Variants in SND1 observed in about 807,000 individuals in gnomAD.
SND1 encodes staphylococcal nuclease domain-containing protein 1.
In SND1, 38 loss-of-function variants were observed where a neutral mutation model predicts 121.7. The observed-to-expected ratio is 0.31, with a 90% CI of 0.24 to 0.41. SND1 has a LOEUF of 0.41. SND1 is among the 10% of genes least tolerant of loss of function. SND1 has a pLI of 1.00. For synonymous variants in SND1, 401 were observed against 447.4 expected, an observed-to-expected ratio of 0.90 and a Z score of 1.31; for missense variants, 868 against 1,184.6, an observed-to-expected ratio of 0.73 and a Z score of 3.92.
At chr7:127,663,354 G>A (rs1795352483) in intron 1 of SND1, among the ~76,000 whole-genome samples, 1 of 150,844 alleles carries the variant, frequency 6.6e-6, no homozygotes, top group South Asian at 2.1e-4. Context: ...TTGAATCCAC[G>A]GATGTGAGGG....
At chr7:127,917,248 T>C (rs879520596) in intron 14 of SND1, among the ~76,000 whole-genome samples, 6 of 152,232 alleles carry the variant, frequency 3.9e-5, no homozygotes, top group Non-Finnish European at 8.8e-5. Context: ...TATATTTTCC[T>C]TAAGAAGAAT....
At chr7:127,960,656 A>C (rs1210680626) in intron 15 of SND1, among the ~76,000 whole-genome samples, 8 of 152,228 alleles carry the variant, frequency 5.3e-5, no homozygotes, top group Non-Finnish European at 1.2e-4. Context: ...TAGCTGAGAA[A>C]ATAGACATTA....
chr7:127,871,127 CA>C (rs1439773885), intron 12 of SND1, among the ~76,000 whole-genome samples: 1 of 152,134 alleles, frequency 6.6e-6, no homozygotes, highest in Non-Finnish European at 1.5e-5. Flanking sequence ...GGAAGGTTTT[CA>C]GGGGGCAATA....
In SND1 at chr7:128,029,931, G is replaced by A. The variant is rs1792530852; in HGVS notation, c.1779+38875G>A. The A allele has an allele frequency of 2.5e-6, 4 of 1,613,232 alleles. No homozygotes were observed. Among genetic ancestry groups the A allele is most frequent in the Middle Eastern group, 1.6e-4 (1 of 6,062 alleles). ...CTTGAGGGAGCTCAGGCCATGGAAG[G>A]AGCCAGGCCTGATCTCAGGGAAGTG... On this transcript the variant is annotated intron_variant, in intron 16 of 23. Transcript: ENST00000354725. The surrounding 1 kb of genome is among the most constrained non-coding windows in gnomAD (Gnocchi z 4.2).
chr7:127,942,777 C>G (rs535973544), intron 15 of SND1, among the ~76,000 whole-genome samples: 1 of 152,176 alleles, frequency 6.6e-6, no homozygotes. Flanking sequence ...CACTTTCTCC[C>G]TAAAGGTTTT....
intron 11 of SND1, among the ~76,000 whole-genome samples, chr7:127,810,169 G>C (rs1798308736): frequency 6.6e-6 from 1 of 152,170 alleles, no homozygotes; most frequent in African/African-American, 2.4e-5. Context: ...ACATCATAAG[G>C]AGTATTTTTC....
At chr7:127,983,569 G>C (rs1439489019) in intron 15 of SND1, among the ~76,000 whole-genome samples, 1 of 151,940 alleles carries the variant, frequency 6.6e-6, no homozygotes, top group Non-Finnish European at 1.5e-5. Flanking sequence ...ATGTGGCTAG[G>C]GAGATAAACC....
Position 128,023,422 on chromosome 7 carries a change from T to G in SND1, c.1779+32366T>G, listed in dbSNP as rs371482169. On this transcript the variant is annotated intron_variant, in intron 16 of 23. Coordinates refer to ENST00000354725, the MANE Select transcript of SND1 (RefSeq NM_014390.4). ...GTAGGGGAGAAGACATTAGGAAGTT[T>G]ACCTTCTTGGTAAAGGACCTAGGCT... Among the ~76,000 whole-genome samples, 11 of 152,306 alleles carry G rather than the reference T, an allele frequency of 7.2e-5. No homozygotes were observed. In the South Asian group the frequency reaches 2.3e-3, roughly 32 times the overall value.
chr7:127,674,026 T>TCCTCCCTCCCTCCCTGCCTG (rs1795572789), intron 1 of SND1, among the ~76,000 whole-genome samples: 1 of 150,732 alleles, frequency 6.6e-6, no homozygotes, highest in Non-Finnish European at 1.5e-5. Context: ...TCCTTCCTTC[T>TCCTCCCTCCCTCCCTGCCTG]CCTCCCTCCC....
chr7:127,767,202 C>G (rs182602533), intron 10 of SND1, among the ~76,000 whole-genome samples: 38 of 152,292 alleles, frequency 2.5e-4, no homozygotes, highest in African/African-American at 8.7e-4. Flanking sequence ...TGGTGCCGTT[C>G]TCCTCTTCTC....
intron 1 of SND1, among the ~76,000 whole-genome samples, chr7:127,675,412 C>G (rs550052493): frequency 3.8e-4 from 58 of 152,198 alleles, no homozygotes; most frequent in Admixed American, 3.1e-3. Context: ...GATGCATGCT[C>G]CAGAAATTCT....
chr7:127,734,911 G>A (rs1360526554), intron 10 of SND1, among the ~76,000 whole-genome samples: 1 of 152,188 alleles, frequency 6.6e-6, no homozygotes, highest in Non-Finnish European at 1.5e-5. Flanking sequence ...AATTTATGAT[G>A]CAATTTCCAG....
intron 16 of SND1, among the ~76,000 whole-genome samples, chr7:128,063,727 G>A (rs1042552613): frequency 6.6e-6 from 1 of 152,232 alleles, no homozygotes; most frequent in African/African-American, 2.4e-5. Flanking sequence ...AAGTAATGGA[G>A]TGGTTCAAAT....
chr7:127,672,114 G>T (rs1795527144), intron 1 of SND1, among the ~76,000 whole-genome samples: 1 of 152,092 alleles, frequency 6.6e-6, no homozygotes, highest in African/African-American at 2.4e-5. Context: ...ATTATAGTGA[G>T]TAGGCAAATT....
intron 13 of SND1, among the ~76,000 whole-genome samples, chr7:127,898,411 A>G (rs888629035): frequency 4.6e-5 from 7 of 151,944 alleles, no homozygotes; most frequent in African/African-American, 1.5e-4. Flanking sequence ...TAGTGCCCCC[A>G]CCTACCATTC....
chr7:127,940,507 C>T lies in SND1; in HGVS notation c.1669+11178C>T, dbSNP rs187512631. On this transcript the variant is annotated intron_variant, in intron 15 of 23. Transcript: ENST00000354725. ...GGTAATTTGAAATTAAAGGTTAATGCTTTGAAATCTGGTAATGGGCAGCGC... is the reference window on the plus strand; with the variant it reads ...GGTAATTTGAAATTAAAGGTTAATGTTTTGAAATCTGGTAATGGGCAGCGC... Among the ~76,000 whole-genome samples the T allele has an allele frequency of 5.0e-3, 761 of 152,282 alleles. 4 individuals carry two copies. Among genetic ancestry groups the T allele is most frequent in the Non-Finnish European group, 5.3e-3 (360 of 68,028 alleles).
intron 11 of SND1, among the ~76,000 whole-genome samples, chr7:127,807,957 A>G (rs957905924): frequency 6.6e-6 from 1 of 151,960 alleles, no homozygotes; most frequent in African/African-American, 2.4e-5. Flanking sequence ...TGCTTCCCCT[A>G]CTTCTGAGGG....
At chr7:127,948,379 CTTACTA>C (rs201348831) in intron 15 of SND1, among the ~76,000 whole-genome samples, 1 of 152,224 alleles carries the variant, frequency 6.6e-6, no homozygotes, top group East Asian at 1.9e-4. Flanking sequence ...AATCCTGCCC[CTTACTA>C]TCTTACATTT....
At chr7:127,826,521 TAC>T (rs1248209459) in intron 11 of SND1, among the ~76,000 whole-genome samples, 1 of 152,228 alleles carries the variant, frequency 6.6e-6, no homozygotes, top group East Asian at 1.9e-4. Context: ...AGCACTTTCT[TAC>T]ATAGGATTTG....
Sources: allele counts gnomAD v4.1 joint callset (sites outside exome capture counted in the v4.1 genomes callset), GRCh38; gene constraint gnomAD v4.1.1; non-coding constraint Gnocchi (gnomAD v3.1); transcripts MANE v1.5; gene names NCBI Gene and HGNC (gene_info 2026-07-23, HGNC 2026-07-21).